The following DOCK11 variants were observed in gnomAD, a reference collection of about 807,000 sequenced individuals.
The protein encoded by DOCK11 is dedicator of cytokinesis 11.
A neutral mutation model predicts 169.1 loss-of-function variants in DOCK11; 70 were observed. The observed-to-expected ratio is 0.41, with a 90% CI of 0.34 to 0.51. The LOEUF is 0.51. DOCK11 is among the 20% of genes least tolerant of loss of function. The pLI, the probability that DOCK11 is intolerant of heterozygous loss-of-function variation, is 0.10. For synonymous variants in DOCK11, 529 were observed against 541.3 expected (o/e 0.98, Z 0.32); for missense variants, 1,166 against 1,538.8 (o/e 0.76, Z 4.05).
intron 1 of DOCK11, among the ~76,000 whole-genome samples, chrX:118,512,596 A>G (rs1269152509): frequency 4.5e-5 from 5 of 112,087 alleles, no homozygotes; most frequent in African/African-American, 1.6e-4. Flanking sequence ...CATTCAGCAT[A>G]TAGGATAGTT....
intron 9 of DOCK11, among the ~76,000 whole-genome samples, chrX:118,567,528 G>T (rs962514646): frequency 1.8e-5 from 2 of 108,445 alleles, no homozygotes; most frequent in Non-Finnish European, 3.8e-5. Context: ...CGTTGCCGAG[G>T]TTCAAGTGAT....
chrX:118,597,339 C>T lies in DOCK11; in HGVS notation c.2264-92C>T. ...CCCACATACAGATCCCTGGAGACAT[C>T]ACCACCCTGCCCTGCCCCCTAGCAG... On this transcript the variant is annotated intron_variant, in intron 20 of 52. Coordinates refer to ENST00000276202, the MANE Select transcript of DOCK11 (RefSeq NM_144658.4). 2.6e-6 allele frequency: 3 copies of T among 1,135,935 alleles called. No individual in the cohort carries two copies. The South Asian group carries it at 5.8e-5, about 22-fold the overall frequency. 93.6% of individuals were successfully genotyped at this position (1,135,935 alleles called of 1,213,427 possible).
rs544739069 is a variant in DOCK11, at chrX:118,562,429, C to T, written c.693+912C>T. Among the ~76,000 whole-genome samples, 73 of 111,535 alleles carry T rather than the reference C, an allele frequency of 6.5e-4. 1 individual carries two copies. In the South Asian group the frequency reaches 7.6e-3, roughly 12 times the overall value. ...GGCCCAAAGTTGCGCTTTTATGCCT[C>T]CTGATTTCTTGTCTTGCTCCAGTTC... On this transcript the variant is annotated intron_variant, in intron 7 of 52. Transcript: ENST00000276202.
intron 47 of DOCK11, 133 bp downstream of exon 47, chrX:118,676,182 A>G (rs963874666): frequency 1.9e-5 from 8 of 429,909 alleles, no homozygotes; most frequent in Non-Finnish European, 2.8e-5. Context: ...TTGTATGTAT[A>G]AAGTTCACTT....
chrX:118,548,836 C>T (rs145730756), intron 6 of DOCK11, among the ~76,000 whole-genome samples: 1 of 112,107 alleles, frequency 8.9e-6, no homozygotes, highest in African/African-American at 3.2e-5. Context: ...TTTATTACAA[C>T]AGCAATAGGA....
chrX:118,608,200 A>G, intron 25 of DOCK11, 31 bp from the exon 26 acceptor site: 1 of 1,191,956 alleles, frequency 8.4e-7, no homozygotes, highest in Non-Finnish European at 1.1e-6. Flanking sequence ...TTTGTCTTAC[A>G]GTTCATTTTT....
At chrX:118,659,228 A>T (rs929844256) in intron 44 of DOCK11, among the ~76,000 whole-genome samples, 3 of 111,133 alleles carry the variant, frequency 2.7e-5, no homozygotes, top group Non-Finnish European at 5.7e-5. Flanking sequence ...ACTTGGATTC[A>T]GGGTTATGGT....
At chrX:118,651,005 A>G (rs2015932303) in intron 41 of DOCK11, among the ~76,000 whole-genome samples, 2 of 111,962 alleles carry the variant, frequency 1.8e-5, no homozygotes, top group African/African-American at 6.5e-5. Flanking sequence ...CAAGATTTGT[A>G]TCTAAGGCAT....
chrX:118,506,356 C>T (rs1331849642), intron 1 of DOCK11, among the ~76,000 whole-genome samples: 1 of 111,816 alleles, frequency 8.9e-6, no homozygotes, highest in African/African-American at 3.3e-5. Flanking sequence ...TATTGAAATG[C>T]AAATGCTTTT....
chrX:118,539,636 C>T (rs1032132401), intron 1 of DOCK11, among the ~76,000 whole-genome samples: 1 of 111,431 alleles, frequency 9.0e-6, no homozygotes, highest in Non-Finnish European at 1.9e-5. Context: ...ATATAACTAG[C>T]TTAATTTCAT....
chrX:118,610,222 A>C (rs1163593485), intron 27 of DOCK11, 50 bp from the exon 28 acceptor site: 5 of 1,175,623 alleles, frequency 4.3e-6, no homozygotes, highest in Non-Finnish European at 5.8e-6. Flanking sequence ...ATGGCAATTG[A>C]TTTAGACCTT....
At chrX:118,598,264 A>G (rs1834563325) in intron 22 of DOCK11, 148 bp downstream of exon 22, 6 of 383,503 alleles carry the variant, frequency 1.6e-5, no homozygotes. Context: ...GCAGTGGCTC[A>G]TGCCTGTAAT....
chrX:118,515,303 G>A (rs1038699893), intron 1 of DOCK11, among the ~76,000 whole-genome samples: 10 of 112,000 alleles, frequency 8.9e-5, no homozygotes, highest in Admixed American at 3.8e-4. Flanking sequence ...GTGCAATCTC[G>A]GCTTACCGCA....
chrX:118,646,053 C>T (rs1474490323), intron 40 of DOCK11, among the ~76,000 whole-genome samples: 1 of 38,989 alleles, frequency 2.6e-5, no homozygotes, highest in East Asian at 1.1e-3. Flanking sequence ...GAGACTTCGT[C>T]AAAAAAAAAA....
intron 23 of DOCK11, among the ~76,000 whole-genome samples, chrX:118,603,939 A>G (rs1455454263): frequency 8.9e-6 from 1 of 112,293 alleles, no homozygotes; most frequent in Non-Finnish European, 1.9e-5. Flanking sequence ...TTAGGCTGAA[A>G]ATGTCAGTTA....
At chrX:118,651,262 T>C (rs1285955074) in intron 41 of DOCK11, among the ~76,000 whole-genome samples, 1 of 111,630 alleles carries the variant, frequency 9.0e-6, no homozygotes. Flanking sequence ...GGCAAAATCC[T>C]GTCCCTACAA....
At chrX:118,655,715 A>G (rs745489207) in intron 44 of DOCK11, among the ~76,000 whole-genome samples, 5 of 111,994 alleles carry the variant, frequency 4.5e-5, no homozygotes, top group Non-Finnish European at 9.4e-5. Context: ...CAGTTGAGTT[A>G]GGTTTAAACA....
At chrX:118,639,355 ATT>A (rs1349250709) in intron 37 of DOCK11, 78 bp from the exon 38 acceptor site, 3 of 1,070,840 alleles carry the variant, frequency 2.8e-6, no homozygotes, top group Non-Finnish European at 3.8e-6. Context: ...TGGAAACCTA[ATT>A]TTTTTTAGTT....
intron 44 of DOCK11, among the ~76,000 whole-genome samples, chrX:118,661,209 CAAAA>C (rs752353678): frequency 2.9e-5 from 2 of 68,554 alleles, no homozygotes. Flanking sequence ...ACTCTGTCTC[CAAAA>C]AAAAAAAAAA....
Sources: allele counts gnomAD v4.1 joint callset (sites outside exome capture counted in the v4.1 genomes callset), GRCh38; gene constraint gnomAD v4.1.1; transcripts MANE v1.5; gene names NCBI Gene and HGNC (gene_info 2026-07-23, HGNC 2026-07-21).